NECAB3: variants seen among roughly 807,000 people sequenced by gnomAD.
The protein encoded by NECAB3 is N-terminal EF-hand calcium-binding protein 3.
A neutral mutation model predicts 57.2 loss-of-function variants in NECAB3; 38 were observed. The ratio of observed to expected loss-of-function variants is 0.66; its 90% CI spans 0.51 to 0.87. The LOEUF (loss-of-function observed/expected upper bound fraction) is 0.87. Among genes scored for constraint, NECAB3 ranks in the 40% least tolerant of loss-of-function variants. NECAB3 has a pLI of 0.00. For missense variants in NECAB3, 474 were observed against 527.5 expected, an observed-to-expected ratio of 0.90 and a Z score of 0.99; for synonymous variants, 223 against 222.6, an observed-to-expected ratio of 1.00 and a Z score of -0.02.
intron 5 of NECAB3, chr20:33,662,802 G>C (rs2017522558): frequency 3.6e-6 from 1 of 277,406 alleles, no homozygotes; most frequent in Admixed American, 4.9e-5. Context: ...GCTGGTTGTG[G>C]TGGTGAATGC....
intron 5 of NECAB3, chr20:33,667,964 G>A (rs1359680144): frequency 6.4e-7 from 1 of 1,550,592 alleles, no homozygotes; most frequent in Non-Finnish European, 8.7e-7. Context: ...AAAACGCTGC[G>A]GACACGCCTG....
intron 5 of NECAB3, chr20:33,662,514 G>C (rs1164146992): frequency 1.0e-5 from 16 of 1,544,302 alleles, no homozygotes; most frequent in African/African-American, 1.4e-5. Context: ...AGGCAGCTGG[G>C]GGGCAGAGAA....
chr20:33,667,595 A>C, intron 5 of NECAB3: 2 of 1,578,784 alleles, frequency 1.3e-6, no homozygotes, highest in Non-Finnish European at 1.7e-6. Context: ...ACGCCCATCT[A>C]CGCGGGTCAC....
At chr20:33,661,507 A>T (rs1365415745) in intron 5 of NECAB3, among the ~76,000 whole-genome samples, 1 of 152,194 alleles carries the variant, frequency 6.6e-6, no homozygotes, top group Non-Finnish European at 1.5e-5. Flanking sequence ...TCATTCTCAG[A>T]CAGGCCAGGG....
At chr20:33,658,368 C>T in intron 10 of NECAB3, 109 bp downstream of exon 10, 1 of 1,160,958 alleles carries the variant, frequency 8.6e-7, no homozygotes, top group East Asian at 2.4e-5. Context: ...GGTGGGGTCA[C>T]TCATCTGAGG....
chr20:33,663,561 C>G, intron 5 of NECAB3: 1 of 1,611,184 alleles, frequency 6.2e-7, no homozygotes, highest in Non-Finnish European at 8.5e-7. Context: ...TCCCCCTGGA[C>G]AAGCGGCAGC....
intron 3 of NECAB3, 59 bp from the exon 4 acceptor site, chr20:33,669,771 G>A: frequency 6.6e-7 from 1 of 1,515,416 alleles, no homozygotes; most frequent in Non-Finnish European, 8.8e-7. Flanking sequence ...GGACTAATGG[G>A]GCCAATGCCC....
intron 1 of NECAB3, 101 bp from the exon 2 acceptor site, chr20:33,672,523 G>T: frequency 7.0e-7 from 1 of 1,428,654 alleles, no homozygotes; most frequent in Non-Finnish European, 9.8e-7. Context: ...CCTACCCCCT[G>T]CCTCGCCTTT....
chr20:33,668,470 C>A, intron 5 of NECAB3: 1 of 495,474 alleles, frequency 2.0e-6, no homozygotes, highest in Non-Finnish European at 3.5e-6. Flanking sequence ...CAGCTGCCTA[C>A]CCACAGGGCC....
rs1373564383 is a variant in NECAB3 at position 33,657,930 on chromosome 20, TC to T, written c.1162+11del. Reference sequence around the variant, plus strand: ...CCTCCAGGGCCACAGTGAGTGGGGGTCCACCGCATACCTGGGAAGAACACAG... The same window carrying T: ...CCTCCAGGGCCACAGTGAGTGGGGGTCACCGCATACCTGGGAAGAACACAG... On this transcript the variant is annotated intron_variant, in intron 11 of 11. Coordinates refer to ENST00000246190, the MANE Select transcript of NECAB3 (RefSeq NM_031232.4). The T allele has an allele frequency of 6.4e-7, 1 of 1,552,604 alleles. No homozygotes were observed. Among genetic ancestry groups the T allele is most frequent in the Non-Finnish European group, 8.7e-7 (1 of 1,147,874 alleles).
chr20:33,668,938 C>T (rs2017763868), intron 5 of NECAB3, among the ~76,000 whole-genome samples: 1 of 152,254 alleles, frequency 6.6e-6, no homozygotes, highest in Non-Finnish European at 1.5e-5. Flanking sequence ...TACCTGCCTA[C>T]TCACGTATGT....
intron 5 of NECAB3, chr20:33,662,858 CAGG>C: frequency 4.8e-6 from 1 of 208,684 alleles, no homozygotes; most frequent in Non-Finnish European, 9.9e-6. Flanking sequence ...TACGTGAGCC[CAGG>C]AGGTCAGGGA....
chr20:33,666,104 A>AT (rs1292411440), intron 5 of NECAB3, among the ~76,000 whole-genome samples: 1 of 152,112 alleles, frequency 6.6e-6, no homozygotes, highest in Non-Finnish European at 1.5e-5. Flanking sequence ...TAAAAAAAAG[A>AT]ACTGAGTCTC....
chr20:33,658,041 G>T lies in NECAB3; in HGVS notation c.1071-8C>A. 6.5e-7 allele frequency: 1 copy of T among 1,550,122 alleles called. No individual in the cohort carries two copies. Among genetic ancestry groups the T allele is most frequent in the East Asian group, 2.4e-5 (1 of 40,926 alleles). ...CCAGGCGACTGCTGGTGCCTGCAGAGACCCAGGCTACAGTGACCTCGCTCT... is the reference window on the plus strand; with the variant it reads ...CCAGGCGACTGCTGGTGCCTGCAGATACCCAGGCTACAGTGACCTCGCTCT... On this transcript the variant is annotated splice_polypyrimidine_tract_variant and splice_region_variant and intron_variant, in intron 10 of 11. Transcript: ENST00000246190.
At chr20:33,667,863 C>G in intron 5 of NECAB3, 1 of 1,603,154 alleles carries the variant, frequency 6.2e-7, no homozygotes, top group Non-Finnish European at 8.5e-7. Flanking sequence ...AGCGCTTCCG[C>G]TGCCCCGAAC....
chr20:33,669,418 G>A lies in NECAB3; in HGVS notation c.344C>T (p.Ser115Leu), dbSNP rs374901937. ...VYRPVLAALESLNRAVLAAMD... is the reference protein window; with the variant it reads ...VYRPVLAALELLNRAVLAAMD... ...GGCAGCGAGCACTGCACGGTTCAGC[G>A]ATTCCAATGCAGCCAGCACCGGCCG... is the stretch of plus-strand genomic sequence containing the variant. The change falls in exon 5 of 12, where the codon TCG becomes TTG. Residue 115 changes from serine to leucine, a missense_variant. By Grantham distance (145) the Ser-to-Leu change is moderately radical. Transcript: ENST00000246190. 1.6e-5 allele frequency: 26 copies of A among 1,613,498 alleles called. No homozygotes were observed. Among genetic ancestry groups the A allele is most frequent in the Admixed American group, 6.7e-5 (4 of 60,004 alleles).
At chr20:33,668,598 C>T (rs2017754441) in intron 5 of NECAB3, 2 of 205,736 alleles carry the variant, frequency 9.7e-6, no homozygotes, top group Admixed American at 5.7e-5. Flanking sequence ...CCCCAAGGGG[C>T]GATCCCTTGA....
chr20:33,671,263 C>A (rs1365901894), intron 2 of NECAB3, among the ~76,000 whole-genome samples: 1 of 152,176 alleles, frequency 6.6e-6, no homozygotes, highest in Non-Finnish European at 1.5e-5. Context: ...CTGTAGGCAG[C>A]AGCAGGCTGG....
intron 5 of NECAB3, chr20:33,662,360 T>C (rs559756037): frequency 1.9e-6 from 3 of 1,551,250 alleles, no homozygotes; most frequent in Middle Eastern, 1.7e-4. Flanking sequence ...GAAACTATAG[T>C]TCCCACAAAA....
Sources: allele counts gnomAD v4.1 joint callset (sites outside exome capture counted in the v4.1 genomes callset), GRCh38; gene constraint gnomAD v4.1.1; transcripts MANE v1.5; gene names NCBI Gene and HGNC (gene_info 2026-07-23, HGNC 2026-07-21).